Variants in ROBO2 observed in about 807,000 individuals in gnomAD.
ROBO2 encodes roundabout guidance receptor 2.
Under a neutral mutation model 160.8 loss-of-function variants are expected in ROBO2, and 53 were observed. That is an observed-to-expected ratio of 0.33 (90% CI 0.26 to 0.41). The LOEUF is 0.41. Ranked by LOEUF, ROBO2 falls within the 10% of genes least tolerant of loss-of-function variation. The pLI is 1.00. For synonymous variants in ROBO2, 664 were observed against 611.7 expected (o/e 1.09, Z -1.26); for missense variants, 1,577 against 1,722.4 (o/e 0.92, Z 1.49).
rs1474609277 is a variant in ROBO2 at position 76,991,413 on chromosome 3, T to G, written c.110-106601T>G. ...TATGCATTGTTTTCTAGTTTTCACT[T>G]TCTGTGTGTAGTCTGAAGTCATTAA... On this transcript the variant is annotated intron_variant, in intron 2 of 26. Transcript: ENST00000487694. Among the ~76,000 whole-genome samples, 3 of 152,166 alleles carry G rather than the reference T, an allele frequency of 2.0e-5. No individual in the cohort carries two copies. The South Asian group carries it at 6.2e-4, about 32-fold the overall frequency.
intron 2 of ROBO2, among the ~76,000 whole-genome samples, chr3:76,210,125 C>T (rs1235300909): frequency 6.6e-6 from 1 of 152,048 alleles, no homozygotes; most frequent in Non-Finnish European, 1.5e-5. Context: ...ACAAAGAACT[C>T]TCCCTTCTAA....
At chr3:77,126,877 C>T (rs1485534671) in intron 2 of ROBO2, among the ~76,000 whole-genome samples, 1 of 148,284 alleles carries the variant, frequency 6.7e-6, no homozygotes, top group Non-Finnish European at 1.5e-5. Flanking sequence ...CAACCTCCGC[C>T]TCCCGGGTTC....
intron 2 of ROBO2, among the ~76,000 whole-genome samples, chr3:76,951,169 C>T (rs1205534284): frequency 6.6e-6 from 1 of 152,310 alleles, no homozygotes; most frequent in South Asian, 2.1e-4. Context: ...TTTTAAACCA[C>T]CATTAACACT....
chr3:77,548,498 T>C (rs74936264), intron 7 of ROBO2, among the ~76,000 whole-genome samples: 373 of 152,130 alleles, frequency 2.5e-3, no homozygotes, highest in African/African-American at 8.6e-3. Context: ...TAAATCACAT[T>C]CCCTAAAGTA....
chr3:76,394,300 G>T (rs992343485), intron 2 of ROBO2, among the ~76,000 whole-genome samples: 6 of 151,992 alleles, frequency 3.9e-5, no homozygotes, highest in Admixed American at 3.3e-4. Flanking sequence ...CTTCCTTCAG[G>T]AGCTCTTTTA....
chr3:76,182,755 G>A (rs1701570554), intron 2 of ROBO2, among the ~76,000 whole-genome samples: 1 of 152,132 alleles, frequency 6.6e-6, no homozygotes. Context: ...TCCTTGGACT[G>A]CATACTCTTC....
intron 2 of ROBO2, among the ~76,000 whole-genome samples, chr3:76,443,144 G>T (rs1171233904): frequency 6.6e-6 from 1 of 151,872 alleles, no homozygotes; most frequent in Non-Finnish European, 1.5e-5. Flanking sequence ...GGAGGTGCCA[G>T]GATCATTTTA....
chr3:77,593,106 T>G (rs1202053321), intron 17 of ROBO2, among the ~76,000 whole-genome samples: 2 of 152,124 alleles, frequency 1.3e-5, no homozygotes, highest in African/African-American at 2.4e-5. Context: ...ACAGCACATT[T>G]TGAGGTGTAA....
At chr3:76,943,498 A>C (rs935453701) in intron 2 of ROBO2, among the ~76,000 whole-genome samples, 2 of 152,242 alleles carry the variant, frequency 1.3e-5, no homozygotes, top group Non-Finnish European at 2.9e-5. Flanking sequence ...AGAAAAATAC[A>C]TGTTTCTGTA....
At chr3:76,094,871 T>C (rs2069376131) in intron 2 of ROBO2, among the ~76,000 whole-genome samples, 1 of 152,232 alleles carries the variant, frequency 6.6e-6, no homozygotes, top group Non-Finnish European at 1.5e-5. Context: ...TGCTTTGTAC[T>C]ATCAACAAAT....
intron 2 of ROBO2, among the ~76,000 whole-genome samples, chr3:75,988,460 T>C (rs1210891626): frequency 2.6e-5 from 4 of 152,110 alleles, no homozygotes; most frequent in Non-Finnish European, 4.4e-5. Context: ...TTGATTTTTT[T>C]TGAAGAATCA....
chr3:77,225,232 T>C (rs1049385463), intron 2 of ROBO2, among the ~76,000 whole-genome samples: 1 of 151,914 alleles, frequency 6.6e-6, no homozygotes, highest in East Asian at 1.9e-4. Flanking sequence ...TGTAGGCACT[T>C]TGTTTTTTAA....
intron 2 of ROBO2, among the ~76,000 whole-genome samples, chr3:77,457,305 T>A (rs899486422): frequency 3.3e-5 from 5 of 152,134 alleles, no homozygotes; most frequent in African/African-American, 9.7e-5. Flanking sequence ...TATTTCAACT[T>A]TTTTTCTTTC....
At chr3:76,293,419 G>A (rs1425984710) in intron 2 of ROBO2, among the ~76,000 whole-genome samples, 6 of 152,350 alleles carry the variant, frequency 3.9e-5, no homozygotes, top group East Asian at 3.9e-4. Context: ...GAACCGGAAT[G>A]TCTGCAGGCC....
At chr3:76,500,975 C>T (rs72900591) in intron 2 of ROBO2, among the ~76,000 whole-genome samples, 1 of 78,818 alleles carries the variant, frequency 1.3e-5, no homozygotes, top group Non-Finnish European at 4.1e-5. Context: ...TTCTAGAAGG[C>T]CTGGCTTGAC....
In ROBO2 at chr3:77,110,461, A is replaced by AT. The variant is rs549402787; in HGVS notation, c.388+12128dup. ...ATTTGACTTTCAAATTACTCTTTTTATTTTTTTATATTTAAAAATGAATCA... is the reference window on the plus strand; with the variant it reads ...ATTTGACTTTCAAATTACTCTTTTTATTTTTTTTATATTTAAAAATGAATCA... On this transcript the variant is annotated intron_variant, in intron 2 of 25. Transcript: ENST00000461745. 2.5e-4 allele frequency among the ~76,000 whole-genome samples: 38 copies of AT among 151,900 alleles called. No individual in the cohort carries two copies. The South Asian group carries it at 7.7e-3, about 31-fold the overall frequency.
chr3:76,866,435 T>TTCA (rs953924004), intron 2 of ROBO2, among the ~76,000 whole-genome samples: 9 of 152,058 alleles, frequency 5.9e-5, no homozygotes, highest in South Asian at 2.1e-4. Flanking sequence ...CTAGCTTTAT[T>TTCA]TCATCATCAT....
chr3:77,343,084 G>GAGAGAGAGAGAA (rs35897096), intron 2 of ROBO2, among the ~76,000 whole-genome samples: 4,466 of 146,230 alleles, frequency 0.031, 98 homozygotes, highest in Non-Finnish European at 0.043. Flanking sequence ...GAGAGAGAGA[G>GAGAGAGAGAGAA]AGAACTTTCT....
chr3:76,758,352 G>T (rs996696681), intron 2 of ROBO2, among the ~76,000 whole-genome samples: 2 of 151,770 alleles, frequency 1.3e-5, no homozygotes, highest in African/African-American at 4.8e-5. Context: ...CAGAGGAATT[G>T]TCTTTGGCGT....
Sources: gnomAD v4.1 joint callset for allele counts (sites outside exome capture counted in the v4.1 genomes callset) on GRCh38, gnomAD v4.1.1 for gene constraint, MANE v1.5 for transcripts, NCBI Gene and HGNC (gene_info 2026-07-23, HGNC 2026-07-21) for gene names.